Variants in TCF12 observed in about 807,000 individuals in gnomAD.
TCF12 encodes DNA-binding protein HTF4.
A neutral mutation model predicts 86.0 loss-of-function variants in TCF12; 45 were observed. That is an observed-to-expected ratio of 0.52 (90% CI 0.41 to 0.67). TCF12 has a LOEUF of 0.67. Ranked by LOEUF, TCF12 falls within the 30% of genes least tolerant of loss-of-function variation. The pLI is 0.00. For missense variants in TCF12, 881 were observed against 859.9 expected (o/e 1.02, Z -0.31); for synonymous variants, 330 against 299.6 (o/e 1.10, Z -1.05).
intron 20 of TCF12, among the ~76,000 whole-genome samples, chr15:57,284,191 T>TTTG (rs1364719319): frequency 6.6e-5 from 10 of 152,114 alleles, no homozygotes; most frequent in South Asian, 2.1e-4. Flanking sequence ...CTGGGATTTT[T>TTTG]TTGTTGTTGT....
chr15:57,009,382 A>T (rs2064683285), intron 3 of TCF12, among the ~76,000 whole-genome samples: 11 of 152,166 alleles, frequency 7.2e-5, no homozygotes, highest in Admixed American at 5.9e-4. Context: ...AAGTGCTGGG[A>T]TTACAGGTAT....
At chr15:56,987,355 T>C (rs887659111) in intron 3 of TCF12, among the ~76,000 whole-genome samples, 1 of 152,186 alleles carries the variant, frequency 6.6e-6, no homozygotes. Context: ...CCTCAGGTGA[T>C]CCACCTGCCT....
chr15:57,037,975 A>T (rs1373464078), intron 3 of TCF12, among the ~76,000 whole-genome samples: 2 of 152,258 alleles, frequency 1.3e-5, no homozygotes, highest in African/African-American at 4.8e-5. Flanking sequence ...TTCTAGGGGT[A>T]AGGAGTTTTA....
chr15:57,252,564 T>G (rs2060167035), intron 15 of TCF12, 72 bp downstream of exon 15: 2 of 1,329,150 alleles, frequency 1.5e-6, no homozygotes, highest in Admixed American at 3.6e-5. Flanking sequence ...ATTTAAAATC[T>G]TTAAGCTGTA....
intron 18 of TCF12, among the ~76,000 whole-genome samples, chr15:57,267,133 A>G (rs2060907476): frequency 6.6e-6 from 1 of 152,222 alleles, no homozygotes; most frequent in Non-Finnish European, 1.5e-5. Context: ...TGATATGTGT[A>G]TATATCTTAT....
chr15:57,123,156 CTA>C (rs1385095917), intron 5 of TCF12, among the ~76,000 whole-genome samples: 1 of 152,130 alleles, frequency 6.6e-6, no homozygotes, highest in African/African-American at 2.4e-5. Flanking sequence ...TAGCTCTTTG[CTA>C]TGTCAGAAAA....
intron 3 of TCF12, among the ~76,000 whole-genome samples, chr15:57,035,625 A>G (rs1374602412): frequency 3.9e-5 from 6 of 152,192 alleles, no homozygotes; most frequent in African/African-American, 1.4e-4. Context: ...GTCTTGTCAC[A>G]AGGTGCTTTT....
intron 19 of TCF12, among the ~76,000 whole-genome samples, chr15:57,276,488 G>T (rs2061401731): frequency 6.6e-6 from 1 of 152,184 alleles, no homozygotes; most frequent in Non-Finnish European, 1.5e-5. Flanking sequence ...TGGAATAGTG[G>T]TACTTATTTG....
chr15:57,228,417 A>T (rs1566948393), intron 8 of TCF12, among the ~76,000 whole-genome samples: 1 of 151,320 alleles, frequency 6.6e-6, no homozygotes, highest in Non-Finnish European at 1.5e-5. Context: ...ATATAGTAGG[A>T]TTTTTTTTTG....
intron 3 of TCF12, among the ~76,000 whole-genome samples, chr15:56,936,813 A>T (rs2060489499): frequency 6.6e-6 from 1 of 152,038 alleles, no homozygotes; most frequent in Non-Finnish European, 1.5e-5. Flanking sequence ...TGGGTTCTGT[A>T]TTCTGTTCCA....
Position 57,253,361 on chromosome 15 carries a change from A to G in TCF12, c.1360A>G (p.Ser454Gly). ...GPSTSLPAGHSDIHSLLGPSH... is the reference protein window; with the variant it reads ...GPSTSLPAGHGDIHSLLGPSH... ...TTCCACCAGTTTGCCTGCTGGTCAC[A>G]GTGATATACATAGTTTATTGGGACC... The change falls in exon 16 of 21, where the codon AGT becomes GGT. Residue 454 changes from serine (S) to glycine (G), a missense_variant. Coordinates refer to ENST00000333725, the MANE Select transcript of TCF12 (RefSeq NM_207037.2). 1.9e-6 allele frequency: 3 copies of G among 1,614,116 alleles called. No individual in the cohort carries two copies. Among genetic ancestry groups the G allele is most frequent in the Non-Finnish European group, 2.5e-6 (3 of 1,179,980 alleles).
At chr15:56,936,693 A>G (rs912277755) in intron 3 of TCF12, among the ~76,000 whole-genome samples, 1 of 152,168 alleles carries the variant, frequency 6.6e-6, no homozygotes, top group Non-Finnish European at 1.5e-5. Flanking sequence ...GTTCTCTTAC[A>G]TGTGGTTTTC....
chr15:57,075,794 CTTTCTT>C (rs1455642614), intron 4 of TCF12, among the ~76,000 whole-genome samples: 2,041 of 66,810 alleles, frequency 0.031, 65 homozygotes, highest in Admixed American at 0.13. Context: ...TTCTTTCTTT[CTTTCTT>C]TCTTTCTCTC....
At position 57,287,473 on chromosome 15, in the gene TCF12, A is replaced by C. The variant is rs1186547688; in HGVS notation, c.*1328A>C. The C allele has an allele frequency of 2.0e-5, 3 of 152,670 alleles. No individual in the cohort carries two copies. Among genetic ancestry groups the C allele is most frequent in the Non-Finnish European group, 4.4e-5 (3 of 68,048 alleles). 9.5% of individuals were successfully genotyped at this position (152,670 alleles called of 1,614,324 possible). A position where few individuals can be genotyped will look rare whatever the true frequency, so the allele number is the denominator to read the frequency against. ...GATTAGCATTAAACCAGTACTTGTC[A>C]GTCCATCTTAATACTGTTCATTAAG... On this transcript the variant is annotated 3_prime_UTR_variant, in exon 21 of 21. Transcript: ENST00000333725.
At chr15:57,062,026 G>A (rs1489994768) in intron 3 of TCF12, among the ~76,000 whole-genome samples, 2 of 151,682 alleles carry the variant, frequency 1.3e-5, no homozygotes, top group Non-Finnish European at 1.5e-5. Flanking sequence ...GCACAATCTC[G>A]GCTCACTGCA....
chr15:57,250,124 A>G (rs181987034), intron 13 of TCF12, among the ~76,000 whole-genome samples: 20 of 152,274 alleles, frequency 1.3e-4, no homozygotes, highest in Admixed American at 3.3e-4. Flanking sequence ...CATTTTCCTA[A>G]TTAATGTATT....
At chr15:57,183,133 C>G (rs2056457750) in intron 6 of TCF12, among the ~76,000 whole-genome samples, 1 of 152,106 alleles carries the variant, frequency 6.6e-6, no homozygotes, top group Non-Finnish European at 1.5e-5. Flanking sequence ...TTCTTCTTTG[C>G]TCCAACTTTT....
chr15:57,263,567 A>G (rs1380089968), intron 18 of TCF12, among the ~76,000 whole-genome samples: 1 of 152,248 alleles, frequency 6.6e-6, no homozygotes, highest in Non-Finnish European at 1.5e-5. Flanking sequence ...AGTAGAAGGT[A>G]AAATAGCTAA....
At chr15:57,155,522 T>C (rs1255030369) in intron 5 of TCF12, among the ~76,000 whole-genome samples, 1 of 152,298 alleles carries the variant, frequency 6.6e-6, no homozygotes, top group East Asian at 1.9e-4. Flanking sequence ...AGGCCAGGCA[T>C]GGTGGCTCAC....
Sources: gnomAD v4.1 joint callset for allele counts (sites outside exome capture counted in the v4.1 genomes callset) on GRCh38, gnomAD v4.1.1 for gene constraint, MANE v1.5 for transcripts, NCBI Gene and HGNC (gene_info 2026-07-23, HGNC 2026-07-21) for gene names.